The following ANKS1B variants were observed in gnomAD, a reference collection of about 807,000 sequenced individuals.
ANKS1B encodes the protein ankyrin repeat and sterile alpha motif domain containing 1B.
Under a neutral mutation model 148.3 loss-of-function variants are expected in ANKS1B, and 36 were observed. The ratio of observed to expected loss-of-function variants is 0.24; its 90% CI spans 0.19 to 0.32. The LOEUF (loss-of-function observed/expected upper bound fraction) is 0.32, where lower values mean the gene tolerates loss of function less well. ANKS1B is among the 10% of genes least tolerant of loss of function. The probability of loss-of-function intolerance (pLI) is 1.00; values close to 1 mark genes in which losing one functional copy is unlikely to be tolerated. For synonymous variants in ANKS1B, 542 were observed against 560.8 expected (o/e 0.97, Z 0.47); for missense variants, 1,157 against 1,542.6 (o/e 0.75, Z 4.19).
chr12:98,802,674 T>G (rs2099015300), intron 20 of ANKS1B, among the ~76,000 whole-genome samples: 1 of 132,108 alleles, frequency 7.6e-6, no homozygotes, highest in Non-Finnish European at 1.6e-5. Context: ...GATGGGTCAC[T>G]TCGACTCGCA....
At chr12:99,674,946 C>T (rs1197108469) in intron 8 of ANKS1B, among the ~76,000 whole-genome samples, 2 of 151,736 alleles carry the variant, frequency 1.3e-5, no homozygotes, top group Non-Finnish European at 3.0e-5. Context: ...GAAAAGCATA[C>T]AAAAGACTTG....
chr12:98,981,374 C>T (rs866319540), intron 17 of ANKS1B, among the ~76,000 whole-genome samples: 5 of 152,038 alleles, frequency 3.3e-5, no homozygotes, highest in African/African-American at 2.4e-5. Context: ...CTCACTCTGT[C>T]GCCCAGGCTG....
At chr12:99,514,915 C>G (rs11109885) in intron 9 of ANKS1B, among the ~76,000 whole-genome samples, 7,419 of 151,922 alleles carry the variant, frequency 0.049, 558 homozygotes, top group African/African-American at 0.17. Flanking sequence ...ATTTCTGACT[C>G]CTTCAAGACT....
At chr12:98,743,042 C>T (rs1450505765), downstream of ANKS1B, among the ~76,000 whole-genome samples, 1 of 152,200 alleles carries the variant, frequency 6.6e-6, no homozygotes, top group Non-Finnish European at 1.5e-5. Context: ...ATTTCCTGAA[C>T]ATGGCCATTA....
At chr12:99,221,077 C>T (rs1220550997) in intron 14 of ANKS1B, among the ~76,000 whole-genome samples, 4 of 152,070 alleles carry the variant, frequency 2.6e-5, no homozygotes, top group South Asian at 2.1e-4. Context: ...CGGTGGCTCA[C>T]GCCTTTAATC....
chr12:99,133,080 A>G (rs1600698232), intron 15 of ANKS1B, among the ~76,000 whole-genome samples: 1 of 122,740 alleles, frequency 8.1e-6, no homozygotes, highest in Non-Finnish European at 1.6e-5. Flanking sequence ...GAGACAGAGT[A>G]TTGCTCTGTC....
intron 9 of ANKS1B, among the ~76,000 whole-genome samples, chr12:99,562,424 T>C (rs2097346057): frequency 2.6e-5 from 4 of 152,326 alleles, no homozygotes; most frequent in Admixed American, 2.6e-4. Flanking sequence ...AAGTCCTACA[T>C]GGCATCTTTT....
At chr12:99,494,828 G>A (rs187013344) in intron 10 of ANKS1B, among the ~76,000 whole-genome samples, 60 of 151,620 alleles carry the variant, frequency 4.0e-4, no homozygotes, top group Middle Eastern at 3.4e-3. Flanking sequence ...AAGACCTGGC[G>A]CATAGAAGAT....
At chr12:99,074,508 G>A (rs1218747109) in intron 16 of ANKS1B, among the ~76,000 whole-genome samples, 1 of 152,122 alleles carries the variant, frequency 6.6e-6, no homozygotes, top group African/African-American at 2.4e-5. Flanking sequence ...CAGTTATTGC[G>A]ATTTTGCATT....
chr12:99,445,181 C>T (rs761334429), intron 10 of ANKS1B, among the ~76,000 whole-genome samples: 6 of 151,984 alleles, frequency 3.9e-5, no homozygotes, highest in Admixed American at 1.3e-4. Flanking sequence ...AATACTGAAA[C>T]ACACAAAACA....
chr12:99,540,689 G>A (rs896516794), intron 9 of ANKS1B, among the ~76,000 whole-genome samples: 3 of 151,902 alleles, frequency 2.0e-5, no homozygotes, highest in Non-Finnish European at 4.4e-5. Flanking sequence ...ATAGCTGTAA[G>A]CCTATTTTTA....
At chr12:99,262,405 A>G (rs2076015745) in intron 12 of ANKS1B, among the ~76,000 whole-genome samples, 1 of 152,104 alleles carries the variant, frequency 6.6e-6, no homozygotes, top group Non-Finnish European at 1.5e-5. Flanking sequence ...AGATATTTGC[A>G]TGTGAAGAAA....
At chr12:99,392,925 G>T (rs545487510) in intron 12 of ANKS1B, among the ~76,000 whole-genome samples, 1 of 146,564 alleles carries the variant, frequency 6.8e-6, no homozygotes, top group South Asian at 2.2e-4. Flanking sequence ...AAATTAAAAT[G>T]TTCAAAACTG....
chr12:98,870,092 G>A (rs905995676), intron 17 of ANKS1B, among the ~76,000 whole-genome samples: 1 of 152,188 alleles, frequency 6.6e-6, no homozygotes, highest in African/African-American at 2.4e-5. Flanking sequence ...TGCTTTACCT[G>A]TAACAGGGAG....
intron 22 of ANKS1B, among the ~76,000 whole-genome samples, chr12:98,791,397 A>G (rs1298022281): frequency 6.6e-6 from 1 of 151,930 alleles, no homozygotes. Context: ...AGCAATAAGG[A>G]GTTACCTATG....
intron 15 of ANKS1B, among the ~76,000 whole-genome samples, chr12:99,149,438 T>C (rs1275085573): frequency 6.6e-6 from 1 of 152,138 alleles, no homozygotes; most frequent in African/African-American, 2.4e-5. Flanking sequence ...CACCCAAGTG[T>C]ATGAAAATGC....
chr12:99,701,287 T>C (rs1295988711), intron 8 of ANKS1B, among the ~76,000 whole-genome samples: 1 of 152,124 alleles, frequency 6.6e-6, no homozygotes, highest in Non-Finnish European at 1.5e-5. Context: ...GAATGTATTA[T>C]CTCTTGGAAT....
chr12:98,956,745 C>T (rs978691895), intron 17 of ANKS1B, among the ~76,000 whole-genome samples: 3 of 152,136 alleles, frequency 2.0e-5, no homozygotes, highest in Admixed American at 6.5e-5. Context: ...TACTTACAGT[C>T]GTCATACAGT....
At chr12:99,049,978 T>C (rs2099964916) in intron 17 of ANKS1B, among the ~76,000 whole-genome samples, 1 of 152,194 alleles carries the variant, frequency 6.6e-6, no homozygotes, top group Non-Finnish European at 1.5e-5. Flanking sequence ...GAACAACAGT[T>C]ACTGGAGCAA....
Sources: gnomAD v4.1 joint callset for allele counts (sites outside exome capture counted in the v4.1 genomes callset) on GRCh38, gnomAD v4.1.1 for gene constraint, MANE v1.5 for transcripts, NCBI Gene and HGNC (gene_info 2026-07-23, HGNC 2026-07-21) for gene names.